TENM2: variants seen among roughly 807,000 people sequenced by gnomAD.
TENM2 encodes the protein teneurin transmembrane protein 2, also known as teneurin-2.
TENM2 carries 52 observed loss-of-function variants against 245.2 expected under a neutral mutation model. The ratio of observed to expected loss-of-function variants is 0.21; its 90% CI spans 0.17 to 0.27. The LOEUF (loss-of-function observed/expected upper bound fraction) is 0.27. Ranked by LOEUF, TENM2 falls within the 10% of genes least tolerant of loss-of-function variation. The pLI, the probability that TENM2 is intolerant of heterozygous loss-of-function variation, is 1.00. For synonymous variants in TENM2, 1,363 were observed against 1,438.9 expected, an observed-to-expected ratio of 0.95 and a Z score of 1.19; for missense variants, 3,046 against 3,666.8, an observed-to-expected ratio of 0.83 and a Z score of 4.37.
intron 1 of TENM2, among the ~76,000 whole-genome samples, chr5:167,350,122 T>A (rs1441795545): frequency 6.6e-6 from 1 of 152,164 alleles, no homozygotes; most frequent in Non-Finnish European, 1.5e-5. Flanking sequence ...GAGAACTTTT[T>A]TGGAGCTTCC....
At chr5:167,081,221 A>G in the TENM2 span, among the ~76,000 whole-genome samples, 749 of 152,096 alleles carry the variant, frequency 4.9e-3, 3 homozygotes, top group Non-Finnish European at 9.7e-3. Context: ...AACAAAAGAC[A>G]TGATATTTTT....
intron 2 of TENM2, among the ~76,000 whole-genome samples, chr5:167,412,224 C>G (rs1762945623): frequency 6.6e-6 from 1 of 152,036 alleles, no homozygotes; most frequent in Admixed American, 6.6e-5. Context: ...GAAAGAGGAA[C>G]AGGAGCAGCT....
intron 2 of TENM2, among the ~76,000 whole-genome samples, chr5:167,730,628 A>C (rs190003330): frequency 6.6e-6 from 1 of 151,972 alleles, no homozygotes; most frequent in Admixed American, 6.6e-5. Flanking sequence ...ATCTATTTCA[A>C]TTTTCTTTGT....
intron 21 of TENM2, 119 bp downstream of exon 23, chr5:168,215,391 A>G (rs1364355841): frequency 7.7e-6 from 6 of 779,218 alleles, no homozygotes; most frequent in Non-Finnish European, 1.3e-5. Context: ...CCCTGTAATC[A>G]TTTAACTCAG....
chr5:168,059,904 C>T (rs1160741679), intron 6 of TENM2, among the ~76,000 whole-genome samples: 1 of 152,080 alleles, frequency 6.6e-6, no homozygotes, highest in Non-Finnish European at 1.5e-5. Context: ...TTATAACAAT[C>T]CTGTGAAATA....
chr5:168,136,077 G>C (rs1755019838), intron 12 of TENM2, among the ~76,000 whole-genome samples: 1 of 152,192 alleles, frequency 6.6e-6, no homozygotes, highest in East Asian at 1.9e-4. Flanking sequence ...GATTAACTCA[G>C]CAGATGTTTA....
rs370668263 is a variant in TENM2, at chr5:167,646,838, A to G, written c.503-229148A>G. On this transcript the variant is annotated intron_variant, in intron 2 of 28. Coordinates refer to ENST00000518659, the Ensembl canonical transcript of TENM2. ...GCCAGATGGCTCATGAAAAGGACGC[A>G]GCTATAATTCAACTCAAGCCAATTG... is the stretch of plus-strand genomic sequence containing the variant. Among the ~76,000 whole-genome samples the G allele has an allele frequency of 2.4e-4, 37 of 152,368 alleles. 1 individual carries two copies. In the East Asian group the frequency reaches 3.7e-3, roughly 15 times the overall value.
the TENM2 span, among the ~76,000 whole-genome samples, chr5:166,990,700 T>C: frequency 6.6e-6 from 1 of 152,158 alleles, no homozygotes; most frequent in African/African-American, 2.4e-5. Flanking sequence ...AAACAGGAAA[T>C]AAATGTCCAC....
At chr5:167,866,606 C>A (rs188568984) in intron 2 of TENM2, among the ~76,000 whole-genome samples, 1 of 151,654 alleles carries the variant, frequency 6.6e-6, no homozygotes, top group East Asian at 1.9e-4. Context: ...GTTGTTTCGG[C>A]GTGTTTAGAG....
intron 2 of TENM2, among the ~76,000 whole-genome samples, chr5:167,391,068 C>T (rs1356361396): frequency 6.6e-6 from 1 of 152,146 alleles, no homozygotes; most frequent in Non-Finnish European, 1.5e-5. Context: ...CCAAACCCAC[C>T]TACCCATCAC....
At chr5:167,840,787 C>A (rs530605687) in intron 2 of TENM2, among the ~76,000 whole-genome samples, 1 of 152,236 alleles carries the variant, frequency 6.6e-6, no homozygotes, top group East Asian at 1.9e-4. Flanking sequence ...GTAAAGATCA[C>A]AAATGAATTA....
intron 1 of TENM2, among the ~76,000 whole-genome samples, chr5:167,287,093 C>T (rs1754321896): frequency 1.3e-5 from 2 of 152,184 alleles, no homozygotes; most frequent in African/African-American, 4.8e-5. Context: ...AAGTGCAATT[C>T]CTTCTGAAGA....
intron 2 of TENM2, among the ~76,000 whole-genome samples, chr5:167,445,937 C>T (rs548632605): frequency 6.6e-6 from 1 of 152,180 alleles, no homozygotes; most frequent in African/African-American, 2.4e-5. Context: ...GTGCTAATTG[C>T]CATGGCTAAA....
At chr5:167,681,096 T>G (rs1756675194) in intron 2 of TENM2, among the ~76,000 whole-genome samples, 2 of 152,204 alleles carry the variant, frequency 1.3e-5, no homozygotes, top group Admixed American at 1.3e-4. Flanking sequence ...AAAATGGGAA[T>G]TTTTACTCTA....
chr5:167,227,994 C>A, the TENM2 span, among the ~76,000 whole-genome samples: 1 of 151,520 alleles, frequency 6.6e-6, no homozygotes, highest in Non-Finnish European at 1.5e-5. Context: ...TTATAAAGAC[C>A]TGTCTTCAAG....
chr5:167,774,198 G>GAGGA, intron 2 of TENM2, among the ~76,000 whole-genome samples: 1 of 105,250 alleles, frequency 9.5e-6, no homozygotes, highest in African/African-American at 3.7e-5. Context: ...GGGAGGGAAG[G>GAGGA]AGGAAGGGAG....
intron 12 of TENM2, among the ~76,000 whole-genome samples, chr5:168,149,173 G>T (rs539673686): frequency 6.6e-6 from 1 of 152,248 alleles, no homozygotes; most frequent in East Asian, 1.9e-4. Flanking sequence ...TTCATATGAG[G>T]TTGTCTGCCC....
intron 4 of TENM2, among the ~76,000 whole-genome samples, chr5:167,954,200 CAA>C (rs199526122): frequency 3.0e-4 from 46 of 151,264 alleles, no homozygotes; most frequent in African/African-American, 1.0e-3. Context: ...CACACACACA[CAA>C]ACAAACACAC....
the TENM2 span, among the ~76,000 whole-genome samples, chr5:166,982,389 T>C: frequency 6.6e-6 from 1 of 152,218 alleles, no homozygotes; most frequent in African/African-American, 2.4e-5. Flanking sequence ...AACTTTGAAC[T>C]ACTTGTGTGT....
Sources: gnomAD v4.1 joint callset for allele counts (sites outside exome capture counted in the v4.1 genomes callset) on GRCh38, gnomAD v4.1.1 for gene constraint, MANE v1.5 for transcripts, NCBI Gene and HGNC (gene_info 2026-07-23, HGNC 2026-07-21) for gene names.